The following NXPE1 variants were observed in gnomAD, a reference collection of about 807,000 sequenced individuals.
The protein encoded by NXPE1 is neurexophilin and PC-esterase domain family member 1, also known as NXPE family member 1.
A neutral mutation model predicts 33.3 loss-of-function variants in NXPE1; 31 were observed. That is an observed-to-expected ratio of 0.93 (90% CI 0.70 to 1.26). NXPE1 has a LOEUF of 1.26. Among genes scored for constraint, NXPE1 ranks in the 50% most tolerant of loss-of-function variants. The probability of loss-of-function intolerance (pLI) is 0.00; values close to 1 mark genes in which losing one functional copy is unlikely to be tolerated. For missense variants in NXPE1, 661 were observed against 655.6 expected, an observed-to-expected ratio of 1.01 and a Z score of -0.09; for synonymous variants, 229 against 231.4, an observed-to-expected ratio of 0.99 and a Z score of 0.09.
At chr11:114,553,626 A>G (rs1948577866) in intron 1 of NXPE1, 3 of 761,716 alleles carry the variant, frequency 3.9e-6, no homozygotes, top group African/African-American at 1.9e-5. Flanking sequence ...AGTAACTGCA[A>G]ATCAGACTTC....
exon 9 of NXPE1, chr11:114,521,893 TA>T: frequency 8.5e-7 from 1 of 1,180,774 alleles, no homozygotes; most frequent in Non-Finnish European, 1.2e-6. Context: ...CTAAAATGAG[TA>T]AAACTTACTT....
intron 8 of NXPE1, 99 bp downstream of exon 8, chr11:114,522,780 A>C: frequency 1.2e-6 from 1 of 825,256 alleles, no homozygotes; most frequent in South Asian, 1.7e-5. Context: ...AGCCAAATGA[A>C]GTAAAAAACA....
chr11:114,543,968 A>C (rs991372039), intron 5 of NXPE1, among the ~76,000 whole-genome samples: 1 of 152,198 alleles, frequency 6.6e-6, no homozygotes, highest in African/African-American at 2.4e-5. Context: ...AATTACAAAA[A>C]AGAAAACCAT....
intron 5 of NXPE1, among the ~76,000 whole-genome samples, chr11:114,535,125 T>C (rs1947755932): frequency 6.6e-6 from 1 of 152,160 alleles, no homozygotes; most frequent in Non-Finnish European, 1.5e-5. Context: ...GGGACCAATA[T>C]TCAAAATTCT....
At position 114,532,685 on chromosome 11, in the gene NXPE1, C is replaced by T. The variant is rs546852253; in HGVS notation, c.100-1777G>A. Among the ~76,000 whole-genome samples, 106 of 152,140 alleles carry T rather than the reference C, an allele frequency of 7.0e-4. 3 individuals are homozygous for T. The South Asian group carries it at 0.022, about 32-fold the overall frequency. On this transcript the variant is annotated intron_variant, in intron 5 of 8. Coordinates refer to ENST00000534921, the Ensembl canonical transcript of NXPE1. ...AGGCCCATTTTATTCATGGAGATGA[C>T]TTTTAAATTCTCTGTCTCTTTCTCT...
chr11:114,530,365 G>T, exon 6 of NXPE1: 1 of 1,614,200 alleles, frequency 6.2e-7, no homozygotes, highest in South Asian at 1.1e-5. Flanking sequence ...GTGAAGACAT[G>T]AGAGGTGCCA....
intron 5 of NXPE1, among the ~76,000 whole-genome samples, chr11:114,533,675 G>GGGT (rs1947676829): frequency 6.6e-6 from 1 of 152,234 alleles, no homozygotes; most frequent in Non-Finnish European, 1.5e-5. Context: ...CGCCCACGGA[G>GGGT]CCTTGCTCAT....
In NXPE1 at chr11:114,556,651, C is replaced by T. The variant is rs530027043; in HGVS notation, c.-211+3147G>A. Among the ~76,000 whole-genome samples the T allele has an allele frequency of 2.6e-5, 4 of 151,980 alleles. No individual in the cohort carries two copies. The South Asian group carries it at 8.3e-4, about 32-fold the overall frequency. On this transcript the variant is annotated intron_variant, in intron 1 of 8. Transcript: ENST00000534921. ...AGTGTCAAATTCCCTCTAGTTTCTG[C>T]CAGTTTTTGGCCTTTTTCTAGTGCT...
Position 114,522,032 on chromosome 11 carries a change from G to A in NXPE1, c.1580C>T (p.Thr527Ile), listed in dbSNP as rs758406485. The A allele has an allele frequency of 4.3e-6, 7 of 1,613,858 alleles. No individual in the cohort carries two copies. In the South Asian group the frequency reaches 6.6e-5, roughly 15 times the overall value. The change falls in exon 9 of 9, where the codon ACT (threonine) becomes ATT (isoleucine). Residue 527 changes from threonine to isoleucine, a missense_variant. Thr to Ile is a moderately conservative substitution (Grantham distance 89). Transcript: ENST00000534921. ...AATCACATGATCAGGTGGGTGGATA[G>A]TGTCAGTGCCATATGCAATGGTCAT... is the stretch of plus-strand genomic sequence containing the variant.
intron 5 of NXPE1, among the ~76,000 whole-genome samples, chr11:114,549,401 A>G (rs1433728602): frequency 3.9e-5 from 6 of 152,038 alleles, no homozygotes; most frequent in Admixed American, 2.6e-4. Flanking sequence ...AAAATAATAC[A>G]TCATAATTCA....
chr11:114,547,797 A>G (rs887814023), intron 5 of NXPE1, among the ~76,000 whole-genome samples: 3 of 152,150 alleles, frequency 2.0e-5, no homozygotes, highest in Admixed American at 6.5e-5. Flanking sequence ...GAAAATGCAT[A>G]TTAGGTAGAA....
chr11:114,550,142 A>G (rs1230875884), intron 5 of NXPE1, among the ~76,000 whole-genome samples: 1 of 152,168 alleles, frequency 6.6e-6, no homozygotes, highest in Non-Finnish European at 1.5e-5. Context: ...TAGTCTTCCA[A>G]GGTTAACTTA....
chr11:114,534,879 T>C (rs960825608), intron 5 of NXPE1, among the ~76,000 whole-genome samples: 1 of 152,188 alleles, frequency 6.6e-6, no homozygotes, highest in African/African-American at 2.4e-5. Context: ...CCAGGAGAAC[T>C]TCCCCAATCT....
intron 5 of NXPE1, among the ~76,000 whole-genome samples, chr11:114,536,671 A>G (rs1273984877): frequency 1.3e-5 from 2 of 152,234 alleles, no homozygotes; most frequent in Non-Finnish European, 2.9e-5. Flanking sequence ...CAAATAAACT[A>G]GAAAATCTAG....
At chr11:114,533,933 A>T (rs1230728203) in intron 5 of NXPE1, among the ~76,000 whole-genome samples, 1 of 152,202 alleles carries the variant, frequency 6.6e-6, no homozygotes, top group Non-Finnish European at 1.5e-5. Flanking sequence ...CTTTGAAGAG[A>T]GCAGTGGTTC....
chr11:114,554,245 C>G (rs1289025668), intron 1 of NXPE1: 23 of 976,442 alleles, frequency 2.4e-5, no homozygotes, highest in Non-Finnish European at 2.8e-5. Flanking sequence ...TTCCTGGCCT[C>G]TATTGTATTT....
chr11:114,532,695 C>A (rs1018887276), intron 5 of NXPE1, among the ~76,000 whole-genome samples: 1 of 152,006 alleles, frequency 6.6e-6, no homozygotes, highest in African/African-American at 2.4e-5. Context: ...CTTTTAAATT[C>A]TCTGTCTCTT....
At chr11:114,526,039 C>T (rs1947359242) in intron 7 of NXPE1, among the ~76,000 whole-genome samples, 1 of 152,102 alleles carries the variant, frequency 6.6e-6, no homozygotes, top group Non-Finnish European at 1.5e-5. Context: ...CATTGGTCCT[C>T]AAAAGTGGAA....
chr11:114,530,057 G>A (rs1006087878), intron 6 of NXPE1, 118 bp downstream of exon 6: 2 of 1,081,540 alleles, frequency 1.8e-6, no homozygotes, highest in Non-Finnish European at 2.7e-6. Context: ...GACACCACAT[G>A]TCTTACCTTG....
Sources: gnomAD v4.1 joint callset for allele counts (sites outside exome capture counted in the v4.1 genomes callset) on GRCh38, gnomAD v4.1.1 for gene constraint, MANE v1.5 for transcripts, NCBI Gene and HGNC (gene_info 2026-07-23, HGNC 2026-07-21) for gene names.